The following IFI16 variants were observed in gnomAD, a reference collection of about 807,000 sequenced individuals.
IFI16 encodes the protein gamma-interferon-inducible protein 16.
IFI16 carries 49 observed loss-of-function variants against 68.4 expected under a neutral mutation model. The ratio of observed to expected loss-of-function variants is 0.72; its 90% CI spans 0.57 to 0.91. IFI16 has a LOEUF of 0.91. Ranked by LOEUF, IFI16 falls within the 40% of genes least tolerant of loss-of-function variation. IFI16 has a pLI of 0.00. For missense variants in IFI16, 878 were observed against 942.9 expected (o/e 0.93, Z 0.90); for synonymous variants, 307 against 315.0 (o/e 0.97, Z 0.27).
intron 7 of IFI16, among the ~76,000 whole-genome samples, chr1:159,036,900 T>G (rs1654356932): frequency 6.6e-6 from 1 of 152,250 alleles, no homozygotes; most frequent in African/African-American, 2.4e-5. Flanking sequence ...GCCTCCCATG[T>G]ACAGAGTTCT....
rs781570304 is a variant in IFI16 at position 159,014,836 on chromosome 1, G to A, written c.156G>A (p.Met52Ile). The change falls in exon 2 of 12, where the codon ATG (methionine) becomes ATA (isoleucine). Residue 52 changes from methionine to isoleucine, a missense_variant. Transcript: ENST00000295809. ...EYDKIQIADL[M>I]EEKFRGDAGL... is the part of the protein sequence containing the mutation. ...ACAAAATTCAGATTGCTGACTTGATGGAAGAAAAGTTCCGAGGTGATGCTG... is the reference window on the plus strand; with the variant it reads ...ACAAAATTCAGATTGCTGACTTGATAGAAGAAAAGTTCCGAGGTGATGCTG... 3.1e-6 allele frequency: 5 copies of A among 1,614,054 alleles called. No homozygotes were observed. In the South Asian group the frequency reaches 5.5e-5, roughly 18 times the overall value.
At chr1:159,035,978 T>C (rs185249829) in intron 7 of IFI16, among the ~76,000 whole-genome samples, 6 of 152,322 alleles carry the variant, frequency 3.9e-5, no homozygotes, top group African/African-American at 1.4e-4. Context: ...GGTACTCTCG[T>C]GAATAAGTGG....
Position 159,014,721 on chromosome 1 carries a change from T to G in IFI16, c.41T>G (p.Leu14Ter). The change falls in exon 2 of 12, where the codon TTA becomes TGA. Residue 14 changes from leucine to a stop codon, truncating the protein, a stop_gained. Transcript: ENST00000295809. LOFTEE classifies it high-confidence loss of function. ...KYKNIVLLKGLEVINDYHFRM... is the reference protein window; with the variant it reads ...KYKNIVLLKG ...AAGAACATTGTTCTACTAAAAGGATTAGAGGTCATCAATGATTATCATTTT... is the reference window on the plus strand; with the variant it reads ...AAGAACATTGTTCTACTAAAAGGATGAGAGGTCATCAATGATTATCATTTT... 2.5e-6 allele frequency: 4 copies of G among 1,608,172 alleles called. No homozygotes were observed. Among genetic ancestry groups the G allele is most frequent in the Non-Finnish European group, 3.4e-6 (4 of 1,175,010 alleles).
Position 159,053,727 on chromosome 1 carries a change from T to G in IFI16, c.2277+3T>G, listed in dbSNP as rs1336310778. 5.0e-6 allele frequency: 8 copies of G among 1,609,034 alleles called. No homozygotes were observed. The South Asian group carries it at 7.7e-5, about 16-fold the overall frequency. On this transcript the variant is annotated splice_donor_region_variant and intron_variant, in intron 11 of 11. Transcript: ENST00000295809. ...CTGTAATTCATAGTCACATCAAGGT[T>G]GGAACTTTATAGGAACATCATTTTT... is the stretch of plus-strand genomic sequence containing the variant.
intron 7 of IFI16, among the ~76,000 whole-genome samples, chr1:159,033,272 C>G (rs185360202): frequency 6.6e-6 from 1 of 152,154 alleles, no homozygotes; most frequent in African/African-American, 2.4e-5. Context: ...CACAGGGTCT[C>G]CTGTCAATGA....
chr1:159,055,001 C>G lies in IFI16; in HGVS notation c.*100C>G. 1.7e-6 allele frequency: 1 copy of G among 581,570 alleles called. No homozygotes were observed. Among genetic ancestry groups the G allele is most frequent in the Non-Finnish European group, 3.2e-6 (1 of 315,888 alleles). 36.0% of individuals were successfully genotyped at this position (581,570 alleles called of 1,614,324 possible). A position where few individuals can be genotyped will look rare whatever the true frequency, so the allele number is the denominator to read the frequency against. Reference sequence around the variant, plus strand: ...TGAAATACAACACTATACATACACACCACCATATATACTAGCTGTTAATCC... The same window carrying G: ...TGAAATACAACACTATACATACACAGCACCATATATACTAGCTGTTAATCC... On this transcript the variant is annotated 3_prime_UTR_variant, in exon 12 of 12. Transcript: ENST00000295809.
intron 7 of IFI16, among the ~76,000 whole-genome samples, chr1:159,041,686 TCA>T (rs770790204): frequency 1.3e-5 from 2 of 152,164 alleles, no homozygotes; most frequent in East Asian, 3.9e-4. Context: ...GAAAGAAACT[TCA>T]GTCATCTGAA....
At chr1:159,016,333 T>C (rs966044972) in intron 3 of IFI16, among the ~76,000 whole-genome samples, 200 bp from the exon 4 acceptor site, 2 of 152,196 alleles carry the variant, frequency 1.3e-5, no homozygotes, top group East Asian at 1.9e-4. Context: ...AGAGAAATAA[T>C]GTGTATAACA....
intron 1 of IFI16, among the ~76,000 whole-genome samples, chr1:159,011,410 G>A (rs906006325): frequency 6.6e-6 from 1 of 150,880 alleles, no homozygotes; most frequent in Non-Finnish European, 1.5e-5. Flanking sequence ...TTTTTTCTTT[G>A]TAGTGCTCTC....
intron 5 of IFI16, among the ~76,000 whole-genome samples, chr1:159,019,266 A>AAAAG (rs1653139186): frequency 6.6e-6 from 1 of 151,960 alleles, no homozygotes; most frequent in African/African-American, 2.4e-5. Flanking sequence ...AATAACAAAA[A>AAAAG]AAAAAAATAG....
intron 6 of IFI16, among the ~76,000 whole-genome samples, chr1:159,031,344 A>T (rs1158494863): frequency 6.6e-6 from 1 of 151,808 alleles, no homozygotes; most frequent in Non-Finnish European, 1.5e-5. Flanking sequence ...GATCACCCCC[A>T]CCCCTGGGTT....
chr1:159,040,203 G>A (rs1654541536), intron 7 of IFI16, among the ~76,000 whole-genome samples: 1 of 151,872 alleles, frequency 6.6e-6, no homozygotes, highest in Non-Finnish European at 1.5e-5. Flanking sequence ...CATCACAGAT[G>A]CATATGAGGC....
chr1:159,010,721 T>C (rs1291255624), intron 1 of IFI16, among the ~76,000 whole-genome samples: 1 of 152,164 alleles, frequency 6.6e-6, no homozygotes, highest in Non-Finnish European at 1.5e-5. Context: ...ATATTGATCC[T>C]TTACTTTAGC....
intron 6 of IFI16, among the ~76,000 whole-genome samples, 197 bp downstream of exon 6, chr1:159,020,726 A>G (rs557608762): frequency 6.6e-6 from 1 of 152,192 alleles, no homozygotes; most frequent in South Asian, 2.1e-4. Context: ...TACAATTTTA[A>G]AAAGAAAGAA....
At chr1:159,025,876 T>TTC (rs1557869893) in intron 6 of IFI16, among the ~76,000 whole-genome samples, 2 of 152,342 alleles carry the variant, frequency 1.3e-5, no homozygotes, top group African/African-American at 4.8e-5. Context: ...TCCAGTTTCA[T>TTC]TCTTCTACTT....
intron 6 of IFI16, among the ~76,000 whole-genome samples, chr1:159,021,130 G>A (rs1441482375): frequency 6.6e-6 from 1 of 152,140 alleles, no homozygotes; most frequent in East Asian, 1.9e-4. Flanking sequence ...TTGGGAAACA[G>A]GTGGTGCTTC....
upstream of IFI16, among the ~76,000 whole-genome samples, chr1:159,007,963 T>A: frequency 6.6e-6 from 1 of 152,194 alleles, no homozygotes; most frequent in East Asian, 1.9e-4. Context: ...GTGCAATAGG[T>A]CTTTTTGTTC....
Position 159,018,628 on chromosome 1 carries a change from T to C in IFI16, c.949T>C (p.Tyr317His), listed in dbSNP as rs1252519347. 2 of 1,610,928 alleles carry C rather than the reference T, an allele frequency of 1.2e-6. No individual in the cohort carries two copies. Among genetic ancestry groups the C allele is most frequent in the Non-Finnish European group, 1.7e-6 (2 of 1,178,602 alleles). The part of the protein sequence containing the change: ...LHKQASGNIV[Y>H]GVFMLHKKTV... ...CAAACAAGCTTCAGGAAATATTGTA[T>C]ATGGGGTATTTATGCTACATAAGGT... Residue 317 changes from tyrosine to histidine, a missense_variant, in exon 5 of 12, where the codon TAT becomes CAT. Physicochemically the swap from Tyr to His is moderately conservative, Grantham distance 83 (BLOSUM62 2). Coordinates refer to ENST00000295809, the MANE Select transcript of IFI16 (RefSeq NM_001376587.1).
At chr1:159,015,812 ATCGT>A in intron 2 of IFI16, 56 bp from the exon 3 acceptor site, 1 of 1,238,198 alleles carries the variant, frequency 8.1e-7, no homozygotes. Context: ...GCTGTCGGAG[ATCGT>A]TTATATGTCT....
Sources: gnomAD v4.1 joint callset for allele counts (sites outside exome capture counted in the v4.1 genomes callset) on GRCh38, gnomAD v4.1.1 for gene constraint, MANE v1.5 for transcripts, NCBI Gene and HGNC (gene_info 2026-07-23, HGNC 2026-07-21) for gene names.